The following PDHA1 variants were observed in gnomAD, a reference collection of about 807,000 sequenced individuals.
The protein encoded by PDHA1 is pyruvate dehydrogenase E1 subunit alpha 1, also known as pyruvate dehydrogenase E1 component subunit alpha, somatic form, mitochondrial.
Under a neutral mutation model 33.0 loss-of-function variants are expected in PDHA1, and 1 was observed. The observed-to-expected ratio is 0.03, with a 90% CI of 0.01 to 0.14. The LOEUF is 0.14. Ranked by LOEUF, PDHA1 falls within the 10% of genes least tolerant of loss-of-function variation. PDHA1 has a pLI of 1.00. For missense variants in PDHA1, 168 were observed against 325.1 expected (o/e 0.52, Z 3.72); for synonymous variants, 123 against 119.2 (o/e 1.03, Z -0.21).
chrX:19,356,484 A>G lies in PDHA1; in HGVS notation c.831+727A>G, dbSNP rs747156445. Among the ~76,000 whole-genome samples the G allele has an allele frequency of 4.5e-5, 5 of 112,009 alleles. No individual in the cohort carries two copies. In the South Asian group the frequency reaches 1.9e-3, roughly 42 times the overall value. On this transcript the variant is annotated intron_variant, in intron 8 of 10. Coordinates refer to ENST00000422285, the MANE Select transcript of PDHA1 (RefSeq NM_000284.4). Reference sequence around the variant, plus strand: ...GAAGTGAGGGTGGGAATGTAGTAACATTAAATAAGAGCTAATGAGTAGAAT... The same window carrying G: ...GAAGTGAGGGTGGGAATGTAGTAACGTTAAATAAGAGCTAATGAGTAGAAT...
At chrX:19,358,107 TG>T (rs1300413023) in intron 9 of PDHA1, among the ~76,000 whole-genome samples, 1 of 112,118 alleles carries the variant, frequency 8.9e-6, no homozygotes, top group Non-Finnish European at 1.9e-5. Flanking sequence ...GATGTTCCTC[TG>T]TCTGGTATAG....
At chrX:19,359,320 C>CATAAAATAGATA (rs1159433826) in intron 10 of PDHA1, among the ~76,000 whole-genome samples, 169 bp from the exon 11 acceptor site, 5 of 111,691 alleles carry the variant, frequency 4.5e-5, no homozygotes, top group Non-Finnish European at 7.5e-5. Flanking sequence ...ATTTTTAATT[C>CATAAAATAGATA]ATAAAATAGA....
intron 1 of PDHA1, among the ~76,000 whole-genome samples, chrX:19,346,286 A>G (rs1180829211): frequency 9.0e-6 from 1 of 111,195 alleles, no homozygotes; most frequent in Non-Finnish European, 1.9e-5. Context: ...ACCTCCCAAG[A>G]CGCTGTGTGT....
chrX:19,358,983 A>C lies in PDHA1; in HGVS notation c.967A>C (p.Arg323=). ...TGACCCTATTATGCTTCTCAAGGAC[A>C]GGATGGTGAACAGCAATCTTGCCAG... ...KSDPIMLLKD[R]MVNSNLASVE... The change falls in exon 10 of 11, where the codon AGG becomes CGG. Residue 323 remains arginine, a synonymous_variant. Coordinates refer to ENST00000422285, the MANE Select transcript of PDHA1 (RefSeq NM_000284.4). 1 of 1,191,717 alleles carries C rather than the reference A, an allele frequency of 8.4e-7. No individual in the cohort carries two copies. Among genetic ancestry groups the C allele is most frequent in the Non-Finnish European group, 1.1e-6 (1 of 877,120 alleles).
At position 19,361,528 on chromosome X, in the gene PDHA1, G is replaced by A. The variant is rs763826263; in HGVS notation, c.*1875G>A. 37 of 1,209,653 alleles carry A rather than the reference G, an allele frequency of 3.1e-5. No homozygotes were observed. Among genetic ancestry groups the A allele is most frequent in the Admixed American group, 1.7e-4 (8 of 45,807 alleles). On this transcript the variant is annotated 3_prime_UTR_variant, in exon 11 of 11. Coordinates refer to ENST00000422285, the MANE Select transcript of PDHA1 (RefSeq NM_000284.4). ...GTCTTTGCATCAGCTCCTTGCAGCC[G>A]CAACCAGTCTATAAGCTCTTTATCT...
rs1172293694 is a variant in PDHA1, at chrX:19,361,531, A to G, written c.*1878A>G. ...TTTGCATCAGCTCCTTGCAGCCGCA[A>G]CCAGTCTATAAGCTCTTTATCTGTT... On this transcript the variant is annotated 3_prime_UTR_variant, in exon 11 of 11. Coordinates refer to ENST00000422285, the MANE Select transcript of PDHA1 (RefSeq NM_000284.4). 3.3e-6 allele frequency: 4 copies of G among 1,211,622 alleles called. No homozygotes were observed. The highest frequency in any genetic ancestry group is 3.4e-6 in the Non-Finnish European group (3 of 895,229).
chrX:19,355,622 T>A lies in PDHA1; in HGVS notation c.760-64T>A, dbSNP rs766462546. 9 of 1,131,225 alleles carry A rather than the reference T, an allele frequency of 8.0e-6. No individual in the cohort carries two copies. In the Admixed American group the frequency reaches 8.7e-5, roughly 11 times the overall value. 93.2% of individuals were successfully genotyped at this position (1,131,225 alleles called of 1,213,427 possible). A position where few individuals can be genotyped will look rare whatever the true frequency, so the allele number is the denominator to read the frequency against. ...TTCATTCTCATACAGGAGCAGGTCA[T>A]GTGAAAGTAAAATGGTTTGGGGCAG... On this transcript the variant is annotated intron_variant, in intron 7 of 10. Transcript: ENST00000422285.
intron 1 of PDHA1, among the ~76,000 whole-genome samples, chrX:19,347,679 A>C (rs1323068657): frequency 8.9e-6 from 1 of 112,956 alleles, no homozygotes; most frequent in Non-Finnish European, 1.9e-5. Context: ...TTTATTTCAC[A>C]ATACAATAAA....
intron 10 of PDHA1, 23 bp from the exon 11 acceptor site, chrX:19,359,466 T>TACACTGTTACCTAATTTAAAACCTTC (rs776393252): frequency 8.4e-7 from 1 of 1,191,405 alleles, no homozygotes; most frequent in African/African-American, 1.8e-5. Context: ...CTAAAACCTT[T>TACACTGTTACCTAATTTAAAACCTTC]TACACTGTTA....
At position 19,355,714 on chromosome X, in the gene PDHA1, G is replaced by T. The variant is rs2063192428; in HGVS notation, c.788G>T (p.Arg263Leu). 8.3e-7 allele frequency: 1 copy of T among 1,209,235 alleles called. No individual in the cohort carries two copies. Among genetic ancestry groups the T allele is most frequent in the Non-Finnish European group, 1.1e-6 (1 of 893,055 alleles). The change falls in exon 8 of 11, where the codon CGA becomes CTA. Residue 263 changes from arginine to leucine, a missense_variant. Physicochemically the swap from Arg to Leu is moderately radical, Grantham distance 102. Transcript: ENST00000422285. ...RVDGMDILCVREATRFAAAYC... is the reference protein window; with the variant it reads ...RVDGMDILCVLEATRFAAAYC... ...GATGGAATGGATATCCTGTGCGTCC[G>T]AGAGGCAACAAGGTTTGCTGCTGCC...
In PDHA1 at chrX:19,359,712, G is replaced by GTTAAGGAGGAAGAA; in HGVS notation, c.*60_*73dup. ...GCTACCAGACAGTGTTCTCAACTTG[G>GTTAAGGAGGAAGAA]TTAAGGAGGAAGAAAACCCAGTCAA... On this transcript the variant is annotated 3_prime_UTR_variant, in exon 11 of 11. Transcript: ENST00000422285. 1 of 1,054,100 alleles carries GTTAAGGAGGAAGAA rather than the reference G, an allele frequency of 9.5e-7. No homozygotes were observed. Among genetic ancestry groups the GTTAAGGAGGAAGAA allele is most frequent in the Non-Finnish European group, 1.3e-6 (1 of 753,201 alleles). The allele number at this position is 1,054,100 out of a possible 1,213,427, so 86.9% of individuals were successfully genotyped here.
intron 5 of PDHA1, chrX:19,353,412 C>G (rs1044769870): frequency 2.3e-6 from 1 of 428,136 alleles, no homozygotes; most frequent in Admixed American, 3.7e-5. Context: ...CGTTTAGGTA[C>G]ACAAATATTT....
At chrX:19,344,132 GGGGCTGAGGCGGGGCCGGA>G in intron 1 of PDHA1, 38 bp downstream of exon 1, 5 of 1,140,357 alleles carry the variant, frequency 4.4e-6, no homozygotes, top group Non-Finnish European at 6.0e-6. Context: ...GGGCGCGAGT[GGGGCTGAGGCGGGGCCGGA>G]GGGCAGGGCG....
chrX:19,345,572 TAAAA>T (rs11318265), intron 1 of PDHA1, among the ~76,000 whole-genome samples: 4 of 30,266 alleles, frequency 1.3e-4, no homozygotes, highest in African/African-American at 1.9e-4. Context: ...CTCCGTATTT[TAAAA>T]AAAAAAAAAA....
chrX:19,352,951 C>T, intron 4 of PDHA1, 131 bp from the exon 5 acceptor site: 3 of 574,640 alleles, frequency 5.2e-6, no homozygotes, highest in Admixed American at 4.5e-5. Context: ...CCTGGAGGGA[C>T]AGGTACTTAG....
intron 8 of PDHA1, among the ~76,000 whole-genome samples, 188 bp downstream of exon 8, chrX:19,355,945 G>T (rs141926035): frequency 8.9e-6 from 1 of 111,975 alleles, no homozygotes; most frequent in Non-Finnish European, 1.9e-5. Context: ...GGAAGCCTAC[G>T]TTTCTCTCAT....
intron 8 of PDHA1, 82 bp from the exon 9 acceptor site, chrX:19,357,570 C>T: frequency 2.7e-6 from 2 of 750,402 alleles, no homozygotes; most frequent in Admixed American, 4.4e-5. Context: ...AATAAAGGGC[C>T]TGCGTTTGAG....
intron 4 of PDHA1, among the ~76,000 whole-genome samples, chrX:19,352,157 C>T (rs902009100): frequency 1.8e-5 from 2 of 110,189 alleles, no homozygotes; most frequent in Non-Finnish European, 3.8e-5. Flanking sequence ...AGTGCAGTGG[C>T]CTGCCTCAGC....
chrX:19,355,763 G>A lies in PDHA1; in HGVS notation c.831+6G>A. On this transcript the variant is annotated splice_donor_region_variant and intron_variant, in intron 8 of 10. Coordinates refer to ENST00000422285, the MANE Select transcript of PDHA1 (RefSeq NM_000284.4). ...CCTATTGTAGATCTGGGAAGGTAAG[G>A]CTCTAAAGCCCTCTGGGCTAGTGAC... The A allele has an allele frequency of 8.5e-7, 1 of 1,175,820 alleles. No homozygotes were observed. Among genetic ancestry groups the A allele is most frequent in the Non-Finnish European group, 1.2e-6 (1 of 863,233 alleles).
Sources: gnomAD v4.1 joint callset for allele counts (sites outside exome capture counted in the v4.1 genomes callset) on GRCh38, gnomAD v4.1.1 for gene constraint, MANE v1.5 for transcripts, NCBI Gene and HGNC (gene_info 2026-07-23, HGNC 2026-07-21) for gene names.